Variants in SMCHD1 observed in about 807,000 individuals in gnomAD.
SMCHD1 encodes the protein structural maintenance of chromosomes flexible hinge domain-containing protein 1.
A neutral mutation model predicts 254.7 loss-of-function variants in SMCHD1; 78 were observed. The ratio of observed to expected loss-of-function variants is 0.31; its 90% CI spans 0.26 to 0.37. The LOEUF (loss-of-function observed/expected upper bound fraction) is 0.37. Among genes scored for constraint, SMCHD1 ranks in the 10% least tolerant of loss-of-function variants. The pLI is 1.00. For missense variants in SMCHD1, 1,840 were observed against 2,408.1 expected (o/e 0.76, Z 4.94); for synonymous variants, 766 against 794.9 (o/e 0.96, Z 0.61).
At chr18:2,742,472 CTT>C (rs2075370323) in intron 28 of SMCHD1, among the ~76,000 whole-genome samples, 1 of 152,156 alleles carries the variant, frequency 6.6e-6, no homozygotes, top group African/African-American at 2.4e-5. Context: ...CTAAGATAGA[CTT>C]TGCATATTTT....
At chr18:2,747,876 T>C (rs1175376715) in intron 30 of SMCHD1, among the ~76,000 whole-genome samples, 2 of 152,230 alleles carry the variant, frequency 1.3e-5, no homozygotes, top group Admixed American at 6.5e-5. Context: ...ATGGCTGTTT[T>C]AGTGTTTCTT....
At chr18:2,658,219 A>T (rs1164159279) in intron 1 of SMCHD1, among the ~76,000 whole-genome samples, 1 of 152,122 alleles carries the variant, frequency 6.6e-6, no homozygotes, top group Non-Finnish European at 1.5e-5. Flanking sequence ...GCTTTTTGAA[A>T]ATGTTTTGCT....
intron 30 of SMCHD1, among the ~76,000 whole-genome samples, chr18:2,748,679 G>A (rs2075515825): frequency 6.6e-6 from 1 of 152,054 alleles, no homozygotes; most frequent in Non-Finnish European, 1.5e-5. Context: ...ACAGGTGTGA[G>A]CCACTGCGCC....
In SMCHD1 at chr18:2,732,446, G is replaced by A. The variant is rs2075159984; in HGVS notation, c.3230G>A (p.Gly1077Glu). 6.2e-7 allele frequency: 1 copy of A among 1,610,924 alleles called. No homozygotes were observed. The highest frequency in any genetic ancestry group is 2.0e-4 in the Middle Eastern group (1 of 5,026). The part of the protein sequence containing the change: ...HNLIFQMYDE[G>E]EREINITSAL... ...CTTATTTTTCAAATGTATGATGAAGGAGAAAGAGAAATCAATATAACATCA... is the reference window on the plus strand; with the variant it reads ...CTTATTTTTCAAATGTATGATGAAGAAGAAAGAGAAATCAATATAACATCA... Residue 1077 changes from glycine to glutamate, a missense_variant, in exon 25 of 48, where the codon GGA becomes GAA. Transcript: ENST00000320876.
At chr18:2,697,786 A>C (rs1215368307) in intron 9 of SMCHD1, 45 bp from the exon 10 acceptor site, 1 of 1,308,674 alleles carries the variant, frequency 7.6e-7, no homozygotes, top group Non-Finnish European at 1.1e-6. Context: ...AACAAAAGTA[A>C]AGTTACCATA....
intron 7 of SMCHD1, among the ~76,000 whole-genome samples, chr18:2,690,967 A>G (rs1240814980): frequency 6.6e-6 from 1 of 151,964 alleles, no homozygotes; most frequent in Non-Finnish European, 1.5e-5. Flanking sequence ...TGAAAAAAAA[A>G]AAAAAAACCT....
chr18:2,707,293 A>G (rs1025320183), intron 15 of SMCHD1, among the ~76,000 whole-genome samples: 6 of 151,186 alleles, frequency 4.0e-5, no homozygotes, highest in Admixed American at 1.3e-4. Flanking sequence ...TGTACTATAA[A>G]CAAGTAGAAA....
At chr18:2,665,161 A>T (rs933018318) in intron 1 of SMCHD1, among the ~76,000 whole-genome samples, 1 of 152,214 alleles carries the variant, frequency 6.6e-6, no homozygotes, top group African/African-American at 2.4e-5. Context: ...GTAAATGAAA[A>T]TGTTAACCAC....
At chr18:2,795,636 A>C (rs2143859542) in intron 45 of SMCHD1, among the ~76,000 whole-genome samples, 1 of 152,380 alleles carries the variant, frequency 6.6e-6, no homozygotes, top group Admixed American at 6.5e-5. Context: ...TTGAATACTG[A>C]ATATCAGACA....
intron 46 of SMCHD1, 27 bp downstream of exon 46, chr18:2,796,134 T>C: frequency 6.8e-7 from 1 of 1,469,470 alleles, no homozygotes; most frequent in Non-Finnish European, 9.1e-7. Flanking sequence ...TGTTAACTTC[T>C]ACTTTCTTTA....
chr18:2,696,710 G>A (rs1165525491), intron 8 of SMCHD1, among the ~76,000 whole-genome samples: 1 of 152,106 alleles, frequency 6.6e-6, no homozygotes, highest in African/African-American at 2.4e-5. Flanking sequence ...ATATTTATTT[G>A]ATGAATTATT....
chr18:2,732,116 T>TA, intron 24 of SMCHD1, 149 bp from the exon 25 acceptor site: 1 of 549,340 alleles, frequency 1.8e-6, no homozygotes, highest in East Asian at 3.0e-5. Context: ...AATACGGAAT[T>TA]ATTAATAGTA....
chr18:2,670,833 G>A (rs576831225), intron 3 of SMCHD1, among the ~76,000 whole-genome samples: 61 of 150,828 alleles, frequency 4.0e-4, no homozygotes, highest in Middle Eastern at 6.8e-3. Context: ...CCTGGGAGGC[G>A]GAGCTTGTAG....
chr18:2,683,488 C>G (rs1215990880), intron 5 of SMCHD1, among the ~76,000 whole-genome samples: 2 of 152,142 alleles, frequency 1.3e-5, no homozygotes, highest in Non-Finnish European at 2.9e-5. Context: ...AGAATGTACT[C>G]TTAAGTGATT....
At chr18:2,769,873 T>A in intron 38 of SMCHD1, 53 bp downstream of exon 38, 1 of 1,563,356 alleles carries the variant, frequency 6.4e-7, no homozygotes, top group South Asian at 1.2e-5. Flanking sequence ...ATACTTTAGA[T>A]AACCTTGTTT....
chr18:2,660,233 G>A (rs1437291459), intron 1 of SMCHD1, among the ~76,000 whole-genome samples: 1 of 152,054 alleles, frequency 6.6e-6, no homozygotes, highest in African/African-American at 2.4e-5. Context: ...CTGAGGCAGG[G>A]AGAATTACTT....
At chr18:2,730,088 A>G (rs2075107620) in intron 24 of SMCHD1, among the ~76,000 whole-genome samples, 1 of 152,344 alleles carries the variant, frequency 6.6e-6, no homozygotes, top group Non-Finnish European at 1.5e-5. Flanking sequence ...ATGGAAGGAC[A>G]TATAAACCTT....
chr18:2,725,510 T>C (rs758480620), intron 21 of SMCHD1, among the ~76,000 whole-genome samples: 1 of 151,878 alleles, frequency 6.6e-6, no homozygotes, highest in Non-Finnish European at 1.5e-5. Flanking sequence ...ACAGGGAAGC[T>C]AAAGATAGAA....
intron 7 of SMCHD1, among the ~76,000 whole-genome samples, chr18:2,692,132 C>T (rs2074193386): frequency 6.6e-6 from 1 of 152,174 alleles, no homozygotes; most frequent in Non-Finnish European, 1.5e-5. Flanking sequence ...CAAGAGAGTA[C>T]AGTAAAAGGT....
Sources: allele counts gnomAD v4.1 joint callset (sites outside exome capture counted in the v4.1 genomes callset), GRCh38; gene constraint gnomAD v4.1.1; transcripts MANE v1.5; gene names NCBI Gene and HGNC (gene_info 2026-07-23, HGNC 2026-07-21).